Variants in CLEC16A observed in about 807,000 individuals in gnomAD.
The protein encoded by CLEC16A is C-type lectin domain containing 16A.
In CLEC16A, 51 loss-of-function variants were observed where a neutral mutation model predicts 109.5. The ratio of observed to expected loss-of-function variants is 0.47; its 90% confidence interval spans 0.37 to 0.59. CLEC16A has a LOEUF of 0.59. Among genes scored for constraint, CLEC16A ranks in the 20% least tolerant of loss-of-function variants. The pLI is 0.00. For missense variants in CLEC16A, 1,339 were observed against 1,394.0 expected (o/e 0.96, Z 0.63); for synonymous variants, 673 against 564.2 (o/e 1.19, Z -2.73).
intron 17 of CLEC16A, among the ~76,000 whole-genome samples, chr16:11,049,232 C>A (rs968691116): frequency 6.6e-6 from 1 of 151,960 alleles, no homozygotes; most frequent in Non-Finnish European, 1.5e-5. Flanking sequence ...GGTCTCAAAC[C>A]CCTGACCTCG....
At chr16:11,102,005 G>T (rs1180173337) in intron 19 of CLEC16A, among the ~76,000 whole-genome samples, 1 of 149,966 alleles carries the variant, frequency 6.7e-6, no homozygotes, top group Non-Finnish European at 1.5e-5. Flanking sequence ...TAGGGACACG[G>T]TCTTGCCATG....
rs933359299 is a variant in CLEC16A at position 10,980,113 on chromosome 16, G to A, written c.957+731G>A. 3.3e-5 allele frequency among the ~76,000 whole-genome samples: 5 copies of A among 152,176 alleles called. No homozygotes were observed. The South Asian group carries it at 6.2e-4, about 19-fold the overall frequency. On this transcript the variant is annotated intron_variant, in intron 9 of 23. Coordinates refer to ENST00000409790, the MANE Select transcript of CLEC16A (RefSeq NM_015226.3). ...TGTTTCCGCTTTTGCAATGGCACAG[G>A]TATTTATTTGCTTTGATGAGGAACT...
chr16:11,168,296 T>C (rs1423536541), intron 23 of CLEC16A, among the ~76,000 whole-genome samples: 1 of 152,146 alleles, frequency 6.6e-6, no homozygotes, highest in Non-Finnish European at 1.5e-5. Context: ...CCCTGCATGG[T>C]ACCAGCGTAA....
intron 3 of CLEC16A, among the ~76,000 whole-genome samples, chr16:10,964,187 C>T (rs529101772): frequency 3.3e-5 from 5 of 152,216 alleles, no homozygotes; most frequent in Non-Finnish European, 7.3e-5. Flanking sequence ...ATGGCTCTCG[C>T]AGCCGCCGCT....
chr16:11,157,191 G>T, intron 22 of CLEC16A: 1 of 1,255,040 alleles, frequency 8.0e-7, no homozygotes, highest in Non-Finnish European at 1.0e-6. Flanking sequence ...GTTATCCGTT[G>T]AAAAGCAATC....
chr16:10,987,517 G>A (rs903789833), intron 10 of CLEC16A, among the ~76,000 whole-genome samples: 1 of 152,204 alleles, frequency 6.6e-6, no homozygotes, highest in Non-Finnish European at 1.5e-5. Flanking sequence ...GTAAGAGCCA[G>A]TTGTGGTGGA....
At chr16:11,176,211 G>A (rs535533241) in intron 23 of CLEC16A, among the ~76,000 whole-genome samples, 71 of 152,354 alleles carry the variant, frequency 4.7e-4, no homozygotes, top group African/African-American at 1.6e-3. Flanking sequence ...GCCCAGCACC[G>A]CAAGCCATCC....
chr16:11,157,813 C>G (rs943165651), intron 22 of CLEC16A, among the ~76,000 whole-genome samples: 1 of 152,202 alleles, frequency 6.6e-6, no homozygotes, highest in African/African-American at 2.4e-5. Context: ...GGCCCTGTGC[C>G]CTGTCTTCCT....
intron 1 of CLEC16A, among the ~76,000 whole-genome samples, chr16:10,948,184 CA>C (rs1312519360): frequency 6.6e-6 from 1 of 152,208 alleles, no homozygotes; most frequent in Admixed American, 6.5e-5. Flanking sequence ...TGAGCCACTG[CA>C]CCCGGCCTAG....
rs1012670228 is a variant in CLEC16A, at chr16:11,139,050, C to G, written c.2641+12904C>G. ...AAAATCTTAAGAAGGCTTGGTTTCCCTCCCCGAATGTTCTCTGTGCATTTA... is the reference window on the plus strand; with the variant it reads ...AAAATCTTAAGAAGGCTTGGTTTCCGTCCCCGAATGTTCTCTGTGCATTTA... On this transcript the variant is annotated intron_variant, in intron 22 of 23. Coordinates refer to ENST00000409790, the MANE Select transcript of CLEC16A (RefSeq NM_015226.3). Among the ~76,000 whole-genome samples, 4 of 149,664 alleles carry G rather than the reference C, an allele frequency of 2.7e-5. No homozygotes were observed. The South Asian group carries it at 6.2e-4, about 23-fold the overall frequency.
chr16:11,173,361 C>T (rs148101075), intron 23 of CLEC16A, among the ~76,000 whole-genome samples: 180 of 152,258 alleles, frequency 1.2e-3, no homozygotes, highest in African/African-American at 3.9e-3. Flanking sequence ...TGTGCTCACC[C>T]GCCTTCATCT....
chr16:10,947,763 C>T (rs1406551380), intron 1 of CLEC16A, among the ~76,000 whole-genome samples: 1 of 152,136 alleles, frequency 6.6e-6, no homozygotes, highest in African/African-American at 2.4e-5. Context: ...CTACCAGTGA[C>T]AAGTGACAGT....
intron 22 of CLEC16A, among the ~76,000 whole-genome samples, chr16:11,139,195 C>T (rs1240168624): frequency 6.6e-6 from 1 of 152,172 alleles, no homozygotes; most frequent in East Asian, 1.9e-4. Context: ...TCCCCAGGAA[C>T]TGGTGGGGGT....
chr16:11,063,277 CTTTTTT>C (rs56409015), intron 19 of CLEC16A, among the ~76,000 whole-genome samples: 1 of 79,100 alleles, frequency 1.3e-5, no homozygotes, highest in African/African-American at 5.2e-5. Flanking sequence ...TTCTTCTTTC[CTTTTTT>C]TTTTTTTTTT....
At chr16:11,171,495 C>T (rs1056705439) in intron 23 of CLEC16A, among the ~76,000 whole-genome samples, 1 of 152,184 alleles carries the variant, frequency 6.6e-6, no homozygotes, top group African/African-American at 2.4e-5. Flanking sequence ...CCGACACCCT[C>T]CCCACGAAGT....
At chr16:11,058,784 T>C (rs1205640898) in intron 18 of CLEC16A, among the ~76,000 whole-genome samples, 1 of 152,214 alleles carries the variant, frequency 6.6e-6, no homozygotes, top group Non-Finnish European at 1.5e-5. Context: ...TTCTGTTTTC[T>C]TACCCACCTG....
At chr16:11,003,035 T>C (rs201539459) in intron 10 of CLEC16A, 39 bp from the exon 11 acceptor site, 34 of 1,519,056 alleles carry the variant, frequency 2.2e-5, no homozygotes, top group Non-Finnish European at 2.9e-5. Context: ...AGGATTCTAG[T>C]GTTCAAATTC....
At chr16:11,012,216 C>T (rs187572336) in intron 11 of CLEC16A, among the ~76,000 whole-genome samples, 45 of 152,208 alleles carry the variant, frequency 3.0e-4, no homozygotes, top group African/African-American at 1.1e-3. Flanking sequence ...CTTCTGGTCA[C>T]GAAAACATAT....
At chr16:11,166,266 T>C (rs2068256034) in intron 22 of CLEC16A, 122 bp from the exon 23 acceptor site, 2 of 1,116,840 alleles carry the variant, frequency 1.8e-6, no homozygotes, top group East Asian at 5.6e-5. Flanking sequence ...GGTCAGCCTG[T>C]TCCAGGGAAC....
Sources: allele counts gnomAD v4.1 joint callset (sites outside exome capture counted in the v4.1 genomes callset), GRCh38; gene constraint gnomAD v4.1.1; transcripts MANE v1.5; gene names NCBI Gene and HGNC (gene_info 2026-07-23, HGNC 2026-07-21).